Variants in PHF20 observed in about 807,000 individuals in gnomAD.
The protein encoded by PHF20 is glioma-expressed antigen 2.
A neutral mutation model predicts 113.5 loss-of-function variants in PHF20; 23 were observed. That is an observed-to-expected ratio of 0.20 (90% CI 0.15 to 0.29). The LOEUF is 0.29. PHF20 is among the 10% of genes least tolerant of loss of function. PHF20 has a pLI of 1.00. For synonymous variants in PHF20, 434 were observed against 457.3 expected (o/e 0.95, Z 0.65); for missense variants, 943 against 1,219.6 (o/e 0.77, Z 3.38).
In PHF20 at chr20:35,931,458, C is replaced by T. The variant is rs201508391; in HGVS notation, c.2300+14C>T. The T allele has an allele frequency of 6.2e-7, 1 of 1,600,254 alleles. No homozygotes were observed. Among genetic ancestry groups the T allele is most frequent in the East Asian group, 2.2e-5 (1 of 44,610 alleles). On this transcript the variant is annotated intron_variant, in intron 15 of 17. Transcript: ENST00000374012. ...GAGCATCTTGCAGTAAGTGTGGCAC[C>T]TGCAGTGCTGGGAGCAGTCTGTTTG...
chr20:35,816,406 T>G (rs1054209291), intron 2 of PHF20, among the ~76,000 whole-genome samples: 5 of 152,278 alleles, frequency 3.3e-5, no homozygotes, highest in Admixed American at 2.6e-4. Context: ...ATGTATATCT[T>G]ACTCAGGACA....
At chr20:35,900,631 C>T (rs1182014330) in intron 10 of PHF20, among the ~76,000 whole-genome samples, 1 of 152,040 alleles carries the variant, frequency 6.6e-6, no homozygotes, top group African/African-American at 2.4e-5. Context: ...GTCAGGAGTT[C>T]GAGACCAGCC....
intron 10 of PHF20, among the ~76,000 whole-genome samples, chr20:35,900,567 C>G (rs1480235882): frequency 6.6e-6 from 1 of 152,194 alleles, no homozygotes; most frequent in Non-Finnish European, 1.5e-5. Context: ...GGCACAGTGT[C>G]TCATGCCTAT....
intron 13 of PHF20, among the ~76,000 whole-genome samples, chr20:35,925,320 C>T (rs769381431): frequency 3.3e-5 from 5 of 149,654 alleles, no homozygotes; most frequent in Non-Finnish European, 7.4e-5. Context: ...AGTGTAGTAG[C>T]GTGATCTTGG....
chr20:35,913,328 G>T lies in PHF20; in HGVS notation c.1641G>T (p.Lys547Asn). 6.2e-7 allele frequency: 1 copy of T among 1,600,706 alleles called. No homozygotes were observed. Among genetic ancestry groups the T allele is most frequent in the Non-Finnish European group, 8.5e-7 (1 of 1,175,110 alleles). Residue 547 changes from lysine (K) to asparagine (N), a missense_variant, in exon 11 of 18, where the codon AAG becomes AAT. Lys to Asn is a moderately conservative substitution (Grantham distance 94). Transcript: ENST00000374012. The part of the protein sequence containing the change: ...VRVKPKKKKK[K>N]KKKTKPECPC... ...TGAAGCCAAAGAAGAAAAAGAAAAA[G>T]AAAAAGAAAACCAAACCTGGTAATT...
intron 9 of PHF20, chr20:35,878,608 C>T: frequency 1.3e-6 from 1 of 767,056 alleles, no homozygotes; most frequent in South Asian, 1.4e-5. Flanking sequence ...AATTGAAGAG[C>T]AGGGGAAATA....
intron 2 of PHF20, among the ~76,000 whole-genome samples, chr20:35,832,167 G>A (rs765738288): frequency 3.3e-5 from 5 of 152,216 alleles, no homozygotes; most frequent in East Asian, 1.9e-4. Flanking sequence ...TCTTTGATCA[G>A]CTGGAAAATG....
intron 1 of PHF20, among the ~76,000 whole-genome samples, chr20:35,798,292 A>C (rs2041707428): frequency 6.6e-6 from 1 of 152,126 alleles, no homozygotes; most frequent in African/African-American, 2.4e-5. Flanking sequence ...TTGCACCTGT[A>C]GTCCCAGGTG....
At chr20:35,782,773 A>G (rs2041328035) in intron 1 of PHF20, among the ~76,000 whole-genome samples, 1 of 152,242 alleles carries the variant, frequency 6.6e-6, no homozygotes, top group South Asian at 2.1e-4. Flanking sequence ...CAGCCTAGCA[A>G]GTTACTTAAC....
intron 9 of PHF20, among the ~76,000 whole-genome samples, chr20:35,886,968 C>T (rs543428205): frequency 1.6e-4 from 25 of 152,248 alleles, no homozygotes; most frequent in Admixed American, 7.9e-4. Context: ...ATTGGAGTGA[C>T]GTGGGCCTTG....
rs561157036 is a variant in PHF20, at chr20:35,885,329, A to T, written c.1282+13500A>T. Among the ~76,000 whole-genome samples the T allele has an allele frequency of 2.0e-5, 3 of 151,968 alleles. No homozygotes were observed. In the East Asian group the frequency reaches 5.8e-4, roughly 29 times the overall value. ...TTCTTTGTGGAAAAAATGGGGGTAA[A>T]TTTTTTTTATTTCTGGTCAAGATCC... On this transcript the variant is annotated intron_variant, in intron 9 of 17. Coordinates refer to ENST00000374012, the MANE Select transcript of PHF20 (RefSeq NM_016436.5).
chr20:35,809,951 C>T (rs572358190), intron 2 of PHF20, among the ~76,000 whole-genome samples: 12 of 152,194 alleles, frequency 7.9e-5, no homozygotes, highest in South Asian at 2.1e-4. Context: ...TTTTTTGAGA[C>T]GGAGTTTTGC....
At chr20:35,891,376 CA>C (rs11475386) in intron 9 of PHF20, among the ~76,000 whole-genome samples, 11,345 of 76,498 alleles carry the variant, frequency 0.15, 513 homozygotes, top group South Asian at 0.29. Flanking sequence ...GACTCTATGT[CA>C]AAAAAAAAAA....
intron 1 of PHF20, among the ~76,000 whole-genome samples, chr20:35,784,948 G>A (rs1273990374): frequency 1.3e-5 from 2 of 152,108 alleles, no homozygotes; most frequent in East Asian, 3.9e-4. Context: ...CACTGGGGGA[G>A]CTGAGGTGGG....
intron 2 of PHF20, among the ~76,000 whole-genome samples, chr20:35,807,074 C>T (rs530578599): frequency 1.3e-5 from 2 of 152,194 alleles, no homozygotes; most frequent in Admixed American, 6.6e-5. Context: ...GGATTACAGG[C>T]ATGAGCCACT....
chr20:35,834,989 G>T (rs2042414528), intron 2 of PHF20, among the ~76,000 whole-genome samples: 1 of 152,090 alleles, frequency 6.6e-6, no homozygotes, highest in Non-Finnish European at 1.5e-5. Flanking sequence ...TCAAGAAGAG[G>T]TAGGAGGCCG....
intron 1 of PHF20, among the ~76,000 whole-genome samples, chr20:35,801,206 A>G (rs1481723436): frequency 6.6e-6 from 1 of 152,200 alleles, no homozygotes; most frequent in African/African-American, 2.4e-5. Flanking sequence ...TTTAACTGTG[A>G]AAGCAGTTGT....
chr20:35,937,959 C>T (rs186496278), intron 15 of PHF20, among the ~76,000 whole-genome samples: 1 of 152,190 alleles, frequency 6.6e-6, no homozygotes, highest in East Asian at 1.9e-4. Context: ...GCAAGCTCTG[C>T]CTCCTGGGTT....
intron 10 of PHF20, among the ~76,000 whole-genome samples, chr20:35,910,588 G>A (rs1428393408): frequency 6.6e-6 from 1 of 151,562 alleles, no homozygotes; most frequent in Non-Finnish European, 1.5e-5. Flanking sequence ...TGAGCTCCAG[G>A]CAACCACTAT....
Sources: allele counts gnomAD v4.1 joint callset (sites outside exome capture counted in the v4.1 genomes callset), GRCh38; gene constraint gnomAD v4.1.1; transcripts MANE v1.5; gene names NCBI Gene and HGNC (gene_info 2026-07-23, HGNC 2026-07-21).